The following TNFSF11 variants were observed in gnomAD, a reference collection of about 807,000 sequenced individuals.
TNFSF11 encodes TNF superfamily member 11, also known as tumor necrosis factor ligand superfamily member 11.
In TNFSF11, 12 loss-of-function variants were observed where a neutral mutation model predicts 32.2. That is an observed-to-expected ratio of 0.37 (90% CI 0.24 to 0.60). The LOEUF (loss-of-function observed/expected upper bound fraction) is 0.60. Among genes scored for constraint, TNFSF11 ranks in the 20% least tolerant of loss-of-function variants. The pLI is 0.66. For missense variants in TNFSF11, 345 were observed against 398.0 expected (o/e 0.87, Z 1.13); for synonymous variants, 172 against 152.1 (o/e 1.13, Z -0.96).
At chr13:42,572,711 T>A (rs940766582), upstream of TNFSF11, among the ~76,000 whole-genome samples, 1 of 152,222 alleles carries the variant, frequency 6.6e-6, no homozygotes, top group Non-Finnish European at 1.5e-5. Context: ...TTTCTTTGTA[T>A]GGCTGCCTTT....
intron 1 of TNFSF11, among the ~76,000 whole-genome samples, chr13:42,577,057 T>C (rs1266252290): frequency 6.6e-6 from 1 of 152,230 alleles, no homozygotes; most frequent in East Asian, 1.9e-4. Context: ...CAGTAGTTTT[T>C]TGATTCCCAC....
At chr13:42,599,965 G>A (rs1869078142) in intron 2 of TNFSF11, among the ~76,000 whole-genome samples, 1 of 152,144 alleles carries the variant, frequency 6.6e-6, no homozygotes. Context: ...CGTTTATGCA[G>A]GAACTTGAAC....
chr13:42,574,450 C>T lies in TNFSF11; in HGVS notation c.147C>T (p.Phe49=), dbSNP rs61735535. 1.6e-3 allele frequency: 2,609 copies of T among 1,608,166 alleles called. 38 individuals carry two copies. In the African/African-American group the frequency reaches 0.03, roughly 19 times the overall value. ...CCCCTGCCGCCTCCCGCTCCATGTT[C>T]GTGGCCCTCCTGGGGCTGGGGCTGG... is the stretch of plus-strand genomic sequence containing the variant. The part of the protein sequence containing the change: ...HQPPAASRSM[F]VALLGLGLGQ... Residue 49 remains phenylalanine, a synonymous_variant, in exon 1 of 5, where the codon TTC becomes TTT. Coordinates refer to ENST00000398795, the MANE Select transcript of TNFSF11 (RefSeq NM_003701.4).
At chr13:42,584,221 C>T (rs370619289) in intron 2 of TNFSF11, among the ~76,000 whole-genome samples, 35 of 152,232 alleles carry the variant, frequency 2.3e-4, no homozygotes, top group Admixed American at 9.2e-4. Flanking sequence ...AGAGAACAAG[C>T]GGCTTACTGT....
chr13:42,589,771 T>C (rs1874078240), intron 2 of TNFSF11, among the ~76,000 whole-genome samples: 1 of 152,234 alleles, frequency 6.6e-6, no homozygotes, highest in Non-Finnish European at 1.5e-5. Flanking sequence ...CTGCGAACAG[T>C]GTCCTCAGAA....
chr13:42,577,398 C>T (rs950644417), intron 1 of TNFSF11, among the ~76,000 whole-genome samples: 3 of 152,244 alleles, frequency 2.0e-5, no homozygotes, highest in South Asian at 4.1e-4. Context: ...TCTACTAGAT[C>T]CGGTGTAGCT....
chr13:42,599,522 GT>G (rs1023131765), intron 2 of TNFSF11, among the ~76,000 whole-genome samples: 2 of 151,440 alleles, frequency 1.3e-5, no homozygotes, highest in African/African-American at 2.4e-5. Context: ...CTCCAGAGTG[GT>G]TTTTTTTCAG....
At chr13:42,585,894 T>G (rs1229277282) in intron 2 of TNFSF11, among the ~76,000 whole-genome samples, 1 of 152,228 alleles carries the variant, frequency 6.6e-6, no homozygotes, top group Non-Finnish European at 1.5e-5. Flanking sequence ...GCAAAGGCAT[T>G]TGAAAGAATA....
chr13:42,604,907 C>T (rs985954590), intron 4 of TNFSF11, among the ~76,000 whole-genome samples: 1 of 152,202 alleles, frequency 6.6e-6, no homozygotes, highest in Non-Finnish European at 1.5e-5. Flanking sequence ...CCTCAGTCTC[C>T]TGAGTAGCTG....
In TNFSF11 at chr13:42,600,816, A is replaced by T. The variant is rs779844968; in HGVS notation, c.433+19A>T. The T allele has an allele frequency of 3.3e-5, 54 of 1,614,042 alleles. 1 individual carries two copies. Among genetic ancestry groups the T allele is most frequent in the Middle Eastern group, 1.6e-4 (1 of 6,084 alleles). The stretch of plus-strand genomic sequence containing the variant: ...GAGAAAGGTAAGCATGGATCCATAC[A>T]TCTGTATGAAATCCCACAGGGTCAC... On this transcript the variant is annotated intron_variant, in intron 3 of 4. Transcript: ENST00000398795.
At chr13:42,603,411 G>GAA (rs1216077018) in intron 4 of TNFSF11, among the ~76,000 whole-genome samples, 2 of 152,094 alleles carry the variant, frequency 1.3e-5, no homozygotes, top group Non-Finnish European at 1.5e-5. Context: ...CCTCAGTGAT[G>GAA]AAAATCCAGG....
At chr13:42,569,835 G>A (rs1872998216), upstream of TNFSF11, among the ~76,000 whole-genome samples, 2 of 152,162 alleles carry the variant, frequency 1.3e-5, no homozygotes, top group African/African-American at 4.8e-5. Context: ...TTGTAACAGA[G>A]TAAGTGCAGG....
intron 2 of TNFSF11, among the ~76,000 whole-genome samples, chr13:42,590,635 C>G (rs1428451632): frequency 6.6e-6 from 1 of 152,214 alleles, no homozygotes; most frequent in Non-Finnish European, 1.5e-5. Flanking sequence ...GTAAATAGCA[C>G]AATTAGCCCA....
chr13:42,583,444 G>GAAAAA (rs71202227), intron 2 of TNFSF11, among the ~76,000 whole-genome samples: 13 of 95,630 alleles, frequency 1.4e-4, no homozygotes, highest in Admixed American at 4.8e-4. Flanking sequence ...AAAAAGAAAG[G>GAAAAA]AAGAAAGGAA....
intron 2 of TNFSF11, among the ~76,000 whole-genome samples, chr13:42,585,635 G>A (rs375713205): frequency 1.1e-4 from 17 of 152,270 alleles, no homozygotes; most frequent in African/African-American, 4.1e-4. Context: ...TCCAGTTTTG[G>A]CAGCCTCCCT....
At chr13:42,581,695 CA>C (rs1248902535) in intron 2 of TNFSF11, among the ~76,000 whole-genome samples, 1 of 152,080 alleles carries the variant, frequency 6.6e-6, no homozygotes, top group Non-Finnish European at 1.5e-5. Context: ...TTCGTAATGG[CA>C]GGGCCCCTTA....
intron 2 of TNFSF11, among the ~76,000 whole-genome samples, chr13:42,597,618 G>T (rs1342438515): frequency 6.6e-6 from 1 of 152,132 alleles, no homozygotes; most frequent in East Asian, 1.9e-4. Context: ...TTGAGGATGT[G>T]AAAGGGATTG....
chr13:42,591,488 G>C (rs1257319461), intron 2 of TNFSF11, among the ~76,000 whole-genome samples: 1 of 152,114 alleles, frequency 6.6e-6, no homozygotes, highest in East Asian at 1.9e-4. Flanking sequence ...TCTGCTCTAC[G>C]GAACCTAGGC....
intron 1 of TNFSF11, among the ~76,000 whole-genome samples, chr13:42,575,958 T>C (rs1873293788): frequency 6.6e-6 from 1 of 152,246 alleles, no homozygotes; most frequent in Non-Finnish European, 1.5e-5. Flanking sequence ...GCCAGCGTTG[T>C]GCGTGGCACC....
Sources: gnomAD v4.1 joint callset for allele counts (sites outside exome capture counted in the v4.1 genomes callset) on GRCh38, gnomAD v4.1.1 for gene constraint, MANE v1.5 for transcripts, NCBI Gene and HGNC (gene_info 2026-07-23, HGNC 2026-07-21) for gene names.